LDB2: variants seen among roughly 807,000 people sequenced by gnomAD.
The protein encoded by LDB2 is LIM domain binding 2.
Under a neutral mutation model 44.3 loss-of-function variants are expected in LDB2, and 12 were observed. That is an observed-to-expected ratio of 0.27 (90% confidence interval 0.17 to 0.44). The LOEUF is 0.44. Among genes scored for constraint, LDB2 ranks in the 20% least tolerant of loss-of-function variants. The pLI is 1.00. For missense variants in LDB2, 344 were observed against 473.5 expected (o/e 0.73, Z 2.54); for synonymous variants, 164 against 174.8 (o/e 0.94, Z 0.49).
intron 1 of LDB2, among the ~76,000 whole-genome samples, chr4:16,812,129 A>G (rs1779992535): frequency 6.6e-6 from 1 of 152,154 alleles, no homozygotes; most frequent in Non-Finnish European, 1.5e-5. Context: ...GGTTTAGCAC[A>G]TTGATATTAG....
chr4:16,714,736 C>T (rs193169142), intron 2 of LDB2, among the ~76,000 whole-genome samples: 1 of 152,244 alleles, frequency 6.6e-6, no homozygotes, highest in Admixed American at 6.5e-5. Flanking sequence ...CTGTTCCATA[C>T]CGTTCTCCTA....
intron 1 of LDB2, among the ~76,000 whole-genome samples, chr4:16,818,377 G>A (rs186785447): frequency 9.9e-5 from 15 of 152,278 alleles, no homozygotes; most frequent in African/African-American, 3.4e-4. Flanking sequence ...CAAAGAGAGG[G>A]GAAATGGACC....
chr4:16,775,023 G>C (rs1329829681), intron 1 of LDB2, among the ~76,000 whole-genome samples: 1 of 152,196 alleles, frequency 6.6e-6, no homozygotes, highest in Non-Finnish European at 1.5e-5. Flanking sequence ...ATGGCAATGA[G>C]AGAAGCCAGA....
At chr4:16,637,536 T>A (rs1388216412) in intron 2 of LDB2, among the ~76,000 whole-genome samples, 2 of 152,068 alleles carry the variant, frequency 1.3e-5, no homozygotes, top group Admixed American at 6.6e-5. Context: ...GTGCTCCCCA[T>A]CTGTCCTCTT....
At chr4:16,870,150 A>G (rs1716050164) in intron 1 of LDB2, among the ~76,000 whole-genome samples, 1 of 152,200 alleles carries the variant, frequency 6.6e-6, no homozygotes, top group South Asian at 2.1e-4. Flanking sequence ...GAGATGCAGA[A>G]GATGCCGTGG....
chr4:16,514,676 A>T (rs1404651526), intron 5 of LDB2, among the ~76,000 whole-genome samples: 1 of 152,258 alleles, frequency 6.6e-6, no homozygotes, highest in African/African-American at 2.4e-5. Flanking sequence ...TTAAAGCCTG[A>T]ACAACACAAG....
At chr4:16,670,194 A>G (rs2152555251) in intron 2 of LDB2, among the ~76,000 whole-genome samples, 1 of 152,224 alleles carries the variant, frequency 6.6e-6, no homozygotes, top group South Asian at 2.1e-4. Context: ...AGTGATCAGC[A>G]CTCCTTGTAG....
chr4:16,820,582 T>C (rs1781763208), intron 1 of LDB2, among the ~76,000 whole-genome samples: 1 of 152,188 alleles, frequency 6.6e-6, no homozygotes, highest in Non-Finnish European at 1.5e-5. Context: ...GGGCAGAGCT[T>C]TCCTGGCAGT....
At chr4:16,854,854 C>A (rs1789027800) in intron 1 of LDB2, among the ~76,000 whole-genome samples, 1 of 151,830 alleles carries the variant, frequency 6.6e-6, no homozygotes, top group Non-Finnish European at 1.5e-5. Flanking sequence ...CATTTTACTA[C>A]GTATGGATGC....
At chr4:16,563,088 G>T (rs1020876014) in intron 5 of LDB2, among the ~76,000 whole-genome samples, 3 of 151,722 alleles carry the variant, frequency 2.0e-5, no homozygotes, top group East Asian at 1.9e-4. Flanking sequence ...AGAGGGGAGG[G>T]ATAGCATTAG....
At chr4:16,588,558 G>C in intron 4 of LDB2, 152 bp downstream of exon 4, 1 of 726,946 alleles carries the variant, frequency 1.4e-6, no homozygotes, top group South Asian at 2.3e-5. Context: ...GATTAAAACC[G>C]TTGAGAACAA....
At chr4:16,828,708 G>T (rs984948422) in intron 1 of LDB2, among the ~76,000 whole-genome samples, 1 of 137,546 alleles carries the variant, frequency 7.3e-6, no homozygotes, top group Non-Finnish European at 1.6e-5. Flanking sequence ...AAGACCACGT[G>T]CACTTAAAAA....
chr4:16,752,133 C>T (rs969966133), intron 2 of LDB2, among the ~76,000 whole-genome samples: 3 of 152,126 alleles, frequency 2.0e-5, no homozygotes, highest in African/African-American at 7.2e-5. Flanking sequence ...AATCCATTCC[C>T]ATAATTAAAC....
intron 2 of LDB2, among the ~76,000 whole-genome samples, chr4:16,746,531 A>C (rs1764422348): frequency 6.6e-6 from 1 of 152,202 alleles, no homozygotes; most frequent in Non-Finnish European, 1.5e-5. Context: ...TCATGCCTGT[A>C]ATCCCAGCAC....
intron 2 of LDB2, among the ~76,000 whole-genome samples, chr4:16,678,098 G>A (rs896527305): frequency 1.3e-5 from 2 of 152,252 alleles, no homozygotes; most frequent in Non-Finnish European, 2.9e-5. Context: ...AGCAAACAAC[G>A]ATTTCAAAGA....
At chr4:16,523,517 G>A (rs1319384291) in intron 5 of LDB2, among the ~76,000 whole-genome samples, 2 of 152,126 alleles carry the variant, frequency 1.3e-5, no homozygotes, top group Admixed American at 1.3e-4. Context: ...TTAAAGTAAT[G>A]GTTACTTGAA....
Position 16,569,860 on chromosome 4 carries a change from A to T in LDB2, c.615+16062T>A, listed in dbSNP as rs184707602. Among the ~76,000 whole-genome samples, 396 of 152,326 alleles carry T rather than the reference A, an allele frequency of 2.6e-3. 2 individuals carry two copies. Among genetic ancestry groups the T allele is most frequent in the African/African-American group, 9.2e-3 (382 of 41,570 alleles). On this transcript the variant is annotated intron_variant, in intron 5 of 7. Transcript: ENST00000304523. ...CTTATTTTACAGATAAGGAAGGCTTATCAAATAAAGTTAATGACACCCCAC... is the reference window on the plus strand; with the variant it reads ...CTTATTTTACAGATAAGGAAGGCTTTTCAAATAAAGTTAATGACACCCCAC...
intron 5 of LDB2, among the ~76,000 whole-genome samples, chr4:16,575,570 A>G (rs1240425217): frequency 6.6e-6 from 1 of 152,234 alleles, no homozygotes; most frequent in Admixed American, 6.5e-5. Flanking sequence ...AACAAGTATT[A>G]AAACATTCAA....
At chr4:16,816,453 G>T (rs766153684) in intron 1 of LDB2, among the ~76,000 whole-genome samples, 75 of 135,436 alleles carry the variant, frequency 5.5e-4, no homozygotes, top group Non-Finnish European at 8.6e-4. Flanking sequence ...CTGTTGCCCA[G>T]GCTAGAGGGC....
Sources: allele counts gnomAD v4.1 joint callset (sites outside exome capture counted in the v4.1 genomes callset), GRCh38; gene constraint gnomAD v4.1.1; transcripts MANE v1.5; gene names NCBI Gene and HGNC (gene_info 2026-07-23, HGNC 2026-07-21).